ITFG1: variants seen among roughly 807,000 people sequenced by gnomAD.
ITFG1 encodes the protein integrin alpha FG-GAP repeat containing 1, also known as T-cell immunomodulatory protein.
Under a neutral mutation model 81.8 loss-of-function variants are expected in ITFG1, and 34 were observed. That is an observed-to-expected ratio of 0.42 (90% CI 0.32 to 0.55). The LOEUF is 0.55. Among genes scored for constraint, ITFG1 ranks in the 20% least tolerant of loss-of-function variants. The pLI is 0.17. For synonymous variants in ITFG1, 285 were observed against 270.6 expected, an observed-to-expected ratio of 1.05 and a Z score of -0.52; for missense variants, 672 against 755.4, an observed-to-expected ratio of 0.89 and a Z score of 1.29.
Position 47,223,273 on chromosome 16 carries a change from G to GA in ITFG1, c.1375-4328dup, listed in dbSNP as rs1391207687. ...ACCAAAGAGCTTCTGCACAGCAAAA[G>GA]AAACTACCATCAGAGTGAACAGGCA... On this transcript the variant is annotated intron_variant, in intron 13 of 17. Transcript: ENST00000320640. 2.5e-4 allele frequency among the ~76,000 whole-genome samples: 38 copies of GA among 152,220 alleles called. No individual in the cohort carries two copies. The East Asian group carries it at 6.9e-3, about 28-fold the overall frequency.
Position 47,181,584 on chromosome 16 carries a change from G to T in ITFG1, c.1454-18920C>A, listed in dbSNP as rs1157572267. Reference sequence around the variant, plus strand: ...GGTCAGCCCCCCCGCCCGGCCAGCCGCCCCGTCCAGGAGGGAGGTGAGGGG... The same window carrying T: ...GGTCAGCCCCCCCGCCCGGCCAGCCTCCCCGTCCAGGAGGGAGGTGAGGGG... On this transcript the variant is annotated intron_variant, in intron 14 of 17. Transcript: ENST00000320640. 1.1e-3 allele frequency among the ~76,000 whole-genome samples: 165 copies of T among 145,984 alleles called. 1 individual carries two copies. Among genetic ancestry groups the T allele is most frequent in the Admixed American group, 0.011 (161 of 14,702 alleles).
At chr16:47,428,967 C>G in intron 5 of ITFG1, 69 bp from the exon 6 acceptor site, 1 of 862,168 alleles carries the variant, frequency 1.2e-6, no homozygotes. Context: ...AAATAAAAAT[C>G]TCTGCATGCA....
chr16:47,193,072 A>G (rs889585487), intron 14 of ITFG1, among the ~76,000 whole-genome samples: 4 of 151,904 alleles, frequency 2.6e-5, no homozygotes, highest in African/African-American at 9.7e-5. Flanking sequence ...ATCTAAGAAG[A>G]GCTGTTGATT....
intron 8 of ITFG1, among the ~76,000 whole-genome samples, chr16:47,325,190 C>T (rs372230152): frequency 1.8e-4 from 27 of 152,250 alleles, no homozygotes; most frequent in African/African-American, 5.3e-4. Context: ...CACTCAAAAC[C>T]GCTCAACTAC....
At chr16:47,196,692 CACGCCTGTAAT>C (rs1320651247) in intron 14 of ITFG1, 4 of 152,346 alleles carry the variant, frequency 2.6e-5, no homozygotes, top group African/African-American at 9.7e-5. Context: ...TGCCATGGCT[CACGCCTGTAAT>C]ACCAGCACTT....
chr16:47,449,356 TACTC>T (rs1365861163), intron 5 of ITFG1: 1 of 152,238 alleles, frequency 6.6e-6, no homozygotes, highest in East Asian at 1.9e-4. Flanking sequence ...CTTTTTCACT[TACTC>T]ACCTATGTAC....
At chr16:47,328,363 C>A (rs746416075) in intron 8 of ITFG1, among the ~76,000 whole-genome samples, 2 of 151,934 alleles carry the variant, frequency 1.3e-5, no homozygotes, top group African/African-American at 4.8e-5. Context: ...GGAGATATAC[C>A]TAATGCTAAG....
At chr16:47,455,630 G>A (rs1969441767) in intron 2 of ITFG1, among the ~76,000 whole-genome samples, 1 of 151,488 alleles carries the variant, frequency 6.6e-6, no homozygotes, top group African/African-American at 2.4e-5. Context: ...GTAGCCAGGC[G>A]TGGTGGCGTG....
At chr16:47,221,793 T>C (rs1162075607) in intron 13 of ITFG1, among the ~76,000 whole-genome samples, 1 of 152,222 alleles carries the variant, frequency 6.6e-6, no homozygotes, top group Non-Finnish European at 1.5e-5. Flanking sequence ...AGATTCAAGT[T>C]CTTCCTGGTT....
intron 14 of ITFG1, among the ~76,000 whole-genome samples, chr16:47,197,626 AACCT>A (rs1288487057): frequency 6.6e-5 from 10 of 152,252 alleles, no homozygotes; most frequent in African/African-American, 2.4e-4. Flanking sequence ...GCTCACAATA[AACCT>A]CTTTAAATAG....
intron 8 of ITFG1, among the ~76,000 whole-genome samples, chr16:47,330,741 T>C (rs1003461474): frequency 9.9e-5 from 15 of 151,996 alleles, no homozygotes; most frequent in African/African-American, 3.1e-4. Context: ...TCACTAATCA[T>C]CAGAGAAATG....
At chr16:47,236,080 G>A (rs559234057) in intron 13 of ITFG1, among the ~76,000 whole-genome samples, 2 of 152,268 alleles carry the variant, frequency 1.3e-5, no homozygotes, top group South Asian at 4.2e-4. Flanking sequence ...CTGCATGTTG[G>A]ACTTTACTTA....
intron 12 of ITFG1, among the ~76,000 whole-genome samples, chr16:47,250,501 G>C (rs1431751099): frequency 6.6e-6 from 1 of 151,880 alleles, no homozygotes; most frequent in African/African-American, 2.4e-5. Context: ...TAATTTGTCT[G>C]ATTTAATAAT....
intron 6 of ITFG1, among the ~76,000 whole-genome samples, chr16:47,395,315 G>C (rs901980360): frequency 6.6e-6 from 1 of 152,010 alleles, no homozygotes; most frequent in African/African-American, 2.4e-5. Context: ...GCTCATTAAA[G>C]AGTCTAATTA....
At chr16:47,167,818 C>T in intron 14 of ITFG1, among the ~76,000 whole-genome samples, 1 of 152,120 alleles carries the variant, frequency 6.6e-6, no homozygotes, top group East Asian at 1.9e-4. Context: ...TTTATCCATC[C>T]AGCTGTTGAT....
intron 12 of ITFG1, among the ~76,000 whole-genome samples, chr16:47,244,511 G>A (rs962428785): frequency 1.3e-5 from 2 of 152,082 alleles, no homozygotes; most frequent in African/African-American, 4.8e-5. Flanking sequence ...GTGTTGTAGT[G>A]ACTGTGTGAG....
chr16:47,437,911 GTCAGGGAATTCCCTT>G, intron 5 of ITFG1, among the ~76,000 whole-genome samples: 3 of 152,362 alleles, frequency 2.0e-5, no homozygotes, highest in Admixed American at 2.0e-4. Context: ...AGCGCAAGGG[GTCAGGGAATTCCCTT>G]TCCTAGTCAA....
intron 14 of ITFG1, among the ~76,000 whole-genome samples, chr16:47,194,251 A>G (rs1454300837): frequency 2.0e-5 from 3 of 152,140 alleles, no homozygotes; most frequent in Admixed American, 6.5e-5. Context: ...TTTGAACTCT[A>G]TTGCACTTAT....
At chr16:47,410,657 C>T (rs981652326) in intron 6 of ITFG1, among the ~76,000 whole-genome samples, 7 of 152,058 alleles carry the variant, frequency 4.6e-5, no homozygotes, top group Non-Finnish European at 7.4e-5. Flanking sequence ...CTAAACAGCT[C>T]CTAAGGAAGG....
Sources: gnomAD v4.1 joint callset for allele counts (sites outside exome capture counted in the v4.1 genomes callset) on GRCh38, gnomAD v4.1.1 for gene constraint, MANE v1.5 for transcripts, NCBI Gene and HGNC (gene_info 2026-07-23, HGNC 2026-07-21) for gene names.